Variants in GLRA2 observed in about 807,000 individuals in gnomAD.
GLRA2 encodes glycine receptor subunit alpha-2.
A neutral mutation model predicts 31.6 loss-of-function variants in GLRA2; 11 were observed. The observed-to-expected ratio is 0.35, with a 90% CI of 0.22 to 0.58. The LOEUF (loss-of-function observed/expected upper bound fraction) is 0.58. GLRA2 is among the 20% of genes least tolerant of loss of function. GLRA2 has a pLI of 0.84. For synonymous variants in GLRA2, 132 were observed against 134.0 expected, an observed-to-expected ratio of 0.99 and a Z score of 0.10; for missense variants, 212 against 351.8, an observed-to-expected ratio of 0.60 and a Z score of 3.18.
chrX:14,508,746 G>T, the GLRA2 span, among the ~76,000 whole-genome samples: 2 of 111,590 alleles, frequency 1.8e-5, no homozygotes, highest in Admixed American at 1.9e-4. Context: ...TTTGTTGAAT[G>T]AAAAAAATGA....
At chrX:14,454,180 CCACACACCCACACACACACACA>C in the GLRA2 span, among the ~76,000 whole-genome samples, 2 of 68,815 alleles carry the variant, frequency 2.9e-5, no homozygotes, top group Admixed American at 1.9e-4. Context: ...ACACCCACAC[CCACACACCCACACACACACACA>C]CACACACACA....
At chrX:14,547,013 G>A (rs2089491403) in intron 2 of GLRA2, among the ~76,000 whole-genome samples, 1 of 111,270 alleles carries the variant, frequency 9.0e-6, no homozygotes, top group Non-Finnish European at 1.9e-5. Flanking sequence ...AAGCACTTGA[G>A]GGTATTAACA....
the GLRA2 span, among the ~76,000 whole-genome samples, chrX:14,481,647 A>C: frequency 8.9e-6 from 1 of 111,860 alleles, no homozygotes; most frequent in Non-Finnish European, 1.9e-5. Context: ...TCTAAACTGG[A>C]TATTCTAATA....
At chrX:14,615,311 A>C (rs1184362404) in intron 7 of GLRA2, among the ~76,000 whole-genome samples, 2 of 111,713 alleles carry the variant, frequency 1.8e-5, no homozygotes, top group African/African-American at 6.5e-5. Flanking sequence ...TTGATGATTC[A>C]TCCATCCATT....
rs6630715 is a variant in GLRA2 at position 14,616,691 on chromosome X, A to G, written c.930+7486A>G. 1.6e-4 allele frequency among the ~76,000 whole-genome samples: 18 copies of G among 112,231 alleles called. No individual in the cohort carries two copies. The East Asian group carries it at 2.3e-3, about 14-fold the overall frequency. On this transcript the variant is annotated intron_variant, in intron 7 of 8. Transcript: ENST00000218075. ...TGTTTGGATATCTGTTTTAGCTCTA[A>G]AAAATAAAGATGATTGCTCCTTGAA...
At chrX:14,565,127 ATTACT>A (rs1211745165) in intron 2 of GLRA2, among the ~76,000 whole-genome samples, 1 of 111,971 alleles carries the variant, frequency 8.9e-6, no homozygotes, top group Non-Finnish European at 1.9e-5. Flanking sequence ...CTTATCAGTA[ATTACT>A]TTAAATGTAA....
the GLRA2 span, among the ~76,000 whole-genome samples, chrX:14,512,105 C>G: frequency 9.0e-6 from 1 of 111,530 alleles, no homozygotes; most frequent in Non-Finnish European, 1.9e-5. Flanking sequence ...AGCCATCAAC[C>G]ATTTGGCAAG....
At chrX:14,604,520 A>T in intron 5 of GLRA2, 123 bp downstream of exon 5, 1 of 352,910 alleles carries the variant, frequency 2.8e-6, no homozygotes, top group Non-Finnish European at 5.0e-6. Context: ...AACCCCCAAC[A>T]TCCTAATGGA....
At chrX:14,629,432 A>C (rs1040556032) in intron 7 of GLRA2, among the ~76,000 whole-genome samples, 1 of 111,517 alleles carries the variant, frequency 9.0e-6, no homozygotes, top group African/African-American at 3.3e-5. Context: ...TGAACCAGAA[A>C]AGTAGTGGGA....
chrX:14,487,375 A>G, the GLRA2 span, among the ~76,000 whole-genome samples: 1 of 69,445 alleles, frequency 1.4e-5, no homozygotes, highest in African/African-American at 6.3e-5. Context: ...CCAGTAATTC[A>G]TTGGTTTTCT....
At chrX:14,487,387 T>TAAAA in the GLRA2 span, among the ~76,000 whole-genome samples, 72 of 27,916 alleles carry the variant, frequency 2.6e-3, 3 homozygotes, top group African/African-American at 7.7e-3. Flanking sequence ...TGGTTTTCTG[T>TAAAA]AAAAAAAAAA....
rs904031693 is a variant in GLRA2 at position 14,630,230 on chromosome X, A to T, written c.930+21025A>T. On this transcript the variant is annotated intron_variant, in intron 7 of 8. Transcript: ENST00000218075. ...TTATTGGTTATAAAATATTAGATGG[A>T]CCTTTTTTCCCCCTAATAAGTAGCT... Among the ~76,000 whole-genome samples, 3 of 111,705 alleles carry T rather than the reference A, an allele frequency of 2.7e-5. No individual in the cohort carries two copies. The Admixed American group carries it at 2.9e-4, about 11-fold the overall frequency.
At chrX:14,601,980 A>G (rs2090280453) in intron 4 of GLRA2, among the ~76,000 whole-genome samples, 1 of 111,868 alleles carries the variant, frequency 8.9e-6, no homozygotes, top group Non-Finnish European at 1.9e-5. Flanking sequence ...TTAGGATCAA[A>G]TGAGAATAAG....
intron 4 of GLRA2, among the ~76,000 whole-genome samples, chrX:14,594,940 GAAA>G (rs533954335): frequency 0.071 from 5,490 of 77,375 alleles, 447 homozygotes; most frequent in African/African-American, 0.22. Context: ...AGGTCAACAG[GAAA>G]AAAAAAAAAA....
chrX:14,593,239 C>A (rs1262356078), intron 4 of GLRA2, among the ~76,000 whole-genome samples: 4 of 106,816 alleles, frequency 3.7e-5, no homozygotes, highest in African/African-American at 1.3e-4. Context: ...CGTATCTCAG[C>A]AGTCTCTCCA....
intron 2 of GLRA2, among the ~76,000 whole-genome samples, chrX:14,560,273 G>A (rs1569495670): frequency 8.9e-6 from 1 of 112,510 alleles, no homozygotes. Flanking sequence ...AGTTATTTAT[G>A]TGAAATTGCA....
chrX:14,542,984 C>A (rs991514224), intron 2 of GLRA2, among the ~76,000 whole-genome samples: 1 of 109,952 alleles, frequency 9.1e-6, no homozygotes, highest in Non-Finnish European at 1.9e-5. Context: ...AGTCATTACT[C>A]CCTACAGGTT....
chrX:14,572,136 C>T (rs62588114), intron 2 of GLRA2, among the ~76,000 whole-genome samples: 1,393 of 111,832 alleles, frequency 0.012, 15 homozygotes, highest in Middle Eastern at 0.041. Flanking sequence ...ATTTTGACTT[C>T]CAGCAACATA....
chrX:14,718,416 T>G (rs944446467), intron 8 of GLRA2, among the ~76,000 whole-genome samples: 2 of 112,353 alleles, frequency 1.8e-5, no homozygotes, highest in Non-Finnish European at 3.8e-5. Flanking sequence ...AGTGTAATAT[T>G]TGGCACAACG....
Sources: allele counts gnomAD v4.1 joint callset (sites outside exome capture counted in the v4.1 genomes callset), GRCh38; gene constraint gnomAD v4.1.1; transcripts MANE v1.5; gene names NCBI Gene and HGNC (gene_info 2026-07-23, HGNC 2026-07-21).